Variants in LRRC49 observed in about 807,000 individuals in gnomAD.
The protein encoded by LRRC49 is leucine rich repeat containing 49, also known as leucine-rich repeat-containing protein 49.
LRRC49 carries 50 observed loss-of-function variants against 83.3 expected under a neutral mutation model. The observed-to-expected ratio is 0.60, with a 90% CI of 0.48 to 0.76. The LOEUF (loss-of-function observed/expected upper bound fraction) is 0.76. Ranked by LOEUF, LRRC49 falls within the 30% of genes least tolerant of loss-of-function variation. LRRC49 has a pLI of 0.00. For missense variants in LRRC49, 704 were observed against 809.1 expected, an observed-to-expected ratio of 0.87 and a Z score of 1.58; for synonymous variants, 286 against 283.3, an observed-to-expected ratio of 1.01 and a Z score of -0.10.
At chr15:70,938,690 A>G (rs1403579850) in intron 8 of LRRC49, among the ~76,000 whole-genome samples, 1 of 152,204 alleles carries the variant, frequency 6.6e-6, no homozygotes, top group Non-Finnish European at 1.5e-5. Flanking sequence ...TCAGGGCACA[A>G]TTGTTCTTCT....
intron 8 of LRRC49, among the ~76,000 whole-genome samples, chr15:70,943,231 T>C (rs2035887377): frequency 6.6e-6 from 1 of 152,156 alleles, no homozygotes; most frequent in Admixed American, 6.5e-5. Flanking sequence ...TAGAGTAGTA[T>C]ATTTTTATAT....
intron 15 of LRRC49, among the ~76,000 whole-genome samples, chr15:71,047,054 GT>G (rs1418193749): frequency 1.3e-5 from 2 of 152,126 alleles, no homozygotes; most frequent in Non-Finnish European, 2.9e-5. Flanking sequence ...CGATGTATCT[GT>G]TTTTTACCAG....
At chr15:71,035,670 A>G (rs2141296133) in intron 14 of LRRC49, among the ~76,000 whole-genome samples, 1 of 152,314 alleles carries the variant, frequency 6.6e-6, no homozygotes, top group African/African-American at 2.4e-5. Flanking sequence ...TGCAAAGGAC[A>G]TGAATTCATC....
chr15:70,947,579 T>C (rs1167531400), intron 8 of LRRC49, among the ~76,000 whole-genome samples: 1 of 152,180 alleles, frequency 6.6e-6, no homozygotes, highest in African/African-American at 2.4e-5. Flanking sequence ...GCGCTTCATC[T>C]CTGATTGCTC....
chr15:70,891,789 G>A (rs2033582130), upstream of LRRC49: 9 of 1,437,876 alleles, frequency 6.3e-6, no homozygotes, highest in Non-Finnish European at 8.3e-6. Flanking sequence ...ACTAAGTGGA[G>A]GAGCCCAGCC....
intron 1 of LRRC49, among the ~76,000 whole-genome samples, chr15:70,854,959 A>G (rs1013642315): frequency 7.2e-5 from 11 of 152,180 alleles, no homozygotes; most frequent in African/African-American, 2.7e-4. Context: ...AAACACTGCC[A>G]CCTTTTCACG....
At chr15:71,014,137 A>G (rs536313726) in intron 14 of LRRC49, among the ~76,000 whole-genome samples, 127 of 152,218 alleles carry the variant, frequency 8.3e-4, no homozygotes, top group Non-Finnish European at 1.2e-3. Context: ...CATTCTGAAA[A>G]AAAAGGAGGC....
intron 9 of LRRC49, among the ~76,000 whole-genome samples, chr15:70,967,908 AG>A (rs1596077618): frequency 6.6e-6 from 1 of 151,936 alleles, no homozygotes; most frequent in Non-Finnish European, 1.5e-5. Flanking sequence ...TTGTCTAGGT[AG>A]GGTTATAGAA....
intron 11 of LRRC49, 51 bp from the exon 12 acceptor site, chr15:71,008,328 A>T: frequency 9.7e-7 from 1 of 1,027,912 alleles, no homozygotes; most frequent in Non-Finnish European, 1.5e-6. Context: ...TTATACTGTT[A>T]GGTATTCTGC....
At chr15:71,032,946 C>T (rs28814649) in intron 14 of LRRC49, among the ~76,000 whole-genome samples, 1 of 152,006 alleles carries the variant, frequency 6.6e-6, no homozygotes, top group Non-Finnish European at 1.5e-5. Flanking sequence ...CCTTGAAAAC[C>T]AGCAGAAGAT....
chr15:70,859,950 C>A (rs1293602176), intron 1 of LRRC49: 7 of 764,826 alleles, frequency 9.2e-6, no homozygotes, highest in Non-Finnish European at 1.7e-5. Context: ...ACAATCCATA[C>A]GAAGACCACC....
intron 6 of LRRC49, 41 bp from the exon 7 acceptor site, chr15:70,919,009 T>A (rs766172885): frequency 6.4e-7 from 1 of 1,550,814 alleles, no homozygotes; most frequent in Admixed American, 1.8e-5. Flanking sequence ...ATATTTCAGG[T>A]TTTTGCCTGC....
At chr15:70,963,284 A>AT (rs2036673805) in intron 8 of LRRC49, among the ~76,000 whole-genome samples, 1 of 151,042 alleles carries the variant, frequency 6.6e-6, no homozygotes, top group Non-Finnish European at 1.5e-5. Flanking sequence ...TCAAAAAAAA[A>AT]AAAAAAAAAA....
intron 8 of LRRC49, among the ~76,000 whole-genome samples, chr15:70,946,771 A>G (rs760269107): frequency 1.3e-5 from 2 of 152,030 alleles, no homozygotes. Flanking sequence ...CTTTTTTATA[A>G]AATACCCATC....
At chr15:70,894,650 C>T (rs2033752736) in intron 2 of LRRC49, 2 of 1,282,478 alleles carry the variant, frequency 1.6e-6, no homozygotes, top group Non-Finnish European at 2.0e-6. Flanking sequence ...AGTTGGAAAC[C>T]TCTAACCATC....
intron 15 of LRRC49, among the ~76,000 whole-genome samples, chr15:71,041,085 C>T (rs1370006552): frequency 6.6e-6 from 1 of 152,104 alleles, no homozygotes; most frequent in African/African-American, 2.4e-5. Flanking sequence ...TAGGCAACAC[C>T]TTCATTTCAG....
chr15:71,012,182 T>C (rs2038675981), intron 13 of LRRC49, among the ~76,000 whole-genome samples: 3 of 152,130 alleles, frequency 2.0e-5, no homozygotes, highest in Non-Finnish European at 4.4e-5. Flanking sequence ...TTAAAGAAAA[T>C]ATCCCCAGAT....
rs1476970823 is a variant in LRRC49 at position 70,904,584 on chromosome 15, G to C, written c.329G>C (p.Gly110Ala). The change falls in exon 5 of 16, where the codon GGG (glycine) becomes GCG (alanine). Residue 110 changes from glycine to alanine, a missense_variant. By Grantham distance (60) the Gly-to-Ala change is moderately conservative. Coordinates refer to ENST00000260382, the MANE Select transcript of LRRC49 (RefSeq NM_017691.5). ...CTGACCGTATGTCCTATCATCAATGGGGAAGACCACCTTCGTTTGTTGAAC... is the reference window on the plus strand; with the variant it reads ...CTGACCGTATGTCCTATCATCAATGCGGAAGACCACCTTCGTTTGTTGAAC... ...QKLTVCPIIN[G>A]EDHLRLLNFQ... is the part of the protein sequence containing the mutation. The C allele has an allele frequency of 6.2e-7, 1 of 1,613,460 alleles. No individual in the cohort carries two copies. Among genetic ancestry groups the C allele is most frequent in the Non-Finnish European group, 8.5e-7 (1 of 1,179,602 alleles).
chr15:70,874,978 T>G lies in LRRC49; in HGVS notation c.18+1755T>G, dbSNP rs536023869. ...AATGGTTCTAGATGATTTCACTAAG[T>G]AAGAGTTGCAAGCACATCCAGCTTC... On this transcript the variant is annotated intron_variant, in intron 2 of 16. Coordinates refer to the LRRC49 transcript ENST00000544974. Among the ~76,000 whole-genome samples, 15 of 152,344 alleles carry G rather than the reference T, an allele frequency of 9.8e-5. 1 individual carries two copies. Among genetic ancestry groups the G allele is most frequent in the African/African-American group, 3.6e-4 (15 of 41,584 alleles).
Sources: allele counts gnomAD v4.1 joint callset (sites outside exome capture counted in the v4.1 genomes callset), GRCh38; gene constraint gnomAD v4.1.1; transcripts MANE v1.5; gene names NCBI Gene and HGNC (gene_info 2026-07-23, HGNC 2026-07-21).